NEMP2: variants seen among roughly 807,000 people sequenced by gnomAD.
NEMP2 encodes nuclear envelope integral membrane protein 2, also known as UPF0571 transmembrane protein.
Under a neutral mutation model 54.2 loss-of-function variants are expected in NEMP2, and 53 were observed. That is an observed-to-expected ratio of 0.98 (90% CI 0.78 to 1.23). The LOEUF is 1.23. NEMP2 is among the 50% of genes most tolerant of loss of function. The pLI is 0.00. For missense variants in NEMP2, 455 were observed against 511.3 expected (o/e 0.89, Z 1.06); for synonymous variants, 197 against 190.3 (o/e 1.04, Z -0.29).
chr2:190,647,586 T>G, the NEMP2 span, among the ~76,000 whole-genome samples: 8 of 152,296 alleles, frequency 5.3e-5, no homozygotes, highest in South Asian at 1.7e-3. Context: ...CTCTCTAATC[T>G]TCAAGAACAC....
chr2:190,533,891 C>CA lies in NEMP2; in HGVS notation c.97+667dup. 1.2e-6 allele frequency: 1 copy of CA among 811,868 alleles called. No individual in the cohort carries two copies. The highest frequency in any genetic ancestry group is 1.5e-6 in the Non-Finnish European group (1 of 671,474). 50.3% of individuals were successfully genotyped at this position (811,868 alleles called of 1,614,324 possible). A position where few individuals can be genotyped will look rare whatever the true frequency, so the allele number is the denominator to read the frequency against. On this transcript the variant is annotated intron_variant, in intron 1 of 8. Coordinates refer to ENST00000409150, the MANE Select transcript of NEMP2 (RefSeq NM_001142645.2). This position sits in a 1 kb window ranked among gnomAD's most constrained non-coding sequence, Gnocchi z 4.3. The stretch of plus-strand genomic sequence containing the variant: ...CTTCCCAGATCCTTCCCCAGTGTGC[C>CA]AGCATCTTAAGCCCACTCCGTGGCG...
At chr2:190,463,884 G>A in the NEMP2 span, 22 of 984,236 alleles carry the variant, frequency 2.2e-5, no homozygotes, top group Admixed American at 4.9e-4. This position sits in a 1 kb window ranked among gnomAD's most constrained non-coding sequence, Gnocchi z 4.4. Context: ...ATCTAAGGGC[G>A]CACCATATAC....
At chr2:190,552,898 T>G in the NEMP2 span, among the ~76,000 whole-genome samples, 1 of 152,160 alleles carries the variant, frequency 6.6e-6, no homozygotes, top group Non-Finnish European at 1.5e-5. Context: ...TTTTTTTCAG[T>G]CTACTGCTGG....
chr2:190,566,373 C>CT, the NEMP2 span, among the ~76,000 whole-genome samples: 2 of 152,042 alleles, frequency 1.3e-5, no homozygotes, highest in Admixed American at 1.3e-4. Flanking sequence ...AATCCCAGCA[C>CT]TTTGGGAGGC....
the NEMP2 span, among the ~76,000 whole-genome samples, chr2:190,560,085 G>T: frequency 6.6e-6 from 1 of 152,220 alleles, no homozygotes. This position sits in a 1 kb window ranked among gnomAD's most constrained non-coding sequence, Gnocchi z 5.4. Flanking sequence ...AAGACCACTT[G>T]TAAGTACTGA....
At chr2:190,646,119 G>A in the NEMP2 span, among the ~76,000 whole-genome samples, 1 of 152,250 alleles carries the variant, frequency 6.6e-6, no homozygotes, top group Non-Finnish European at 1.5e-5. Flanking sequence ...TTGCATGGAC[G>A]TTTAACAAAA....
chr2:190,569,448 A>G, the NEMP2 span, among the ~76,000 whole-genome samples: 1 of 152,202 alleles, frequency 6.6e-6, no homozygotes, highest in Non-Finnish European at 1.5e-5. Context: ...GAGGACATTT[A>G]AGAACTTTGA....
rs1440509673 is a variant in NEMP2, at chr2:190,534,659, G to C, written c.-4C>G. 7.6e-7 allele frequency: 1 copy of C among 1,312,304 alleles called. No individual in the cohort carries two copies. Among genetic ancestry groups the C allele is most frequent in the Non-Finnish European group, 9.7e-7 (1 of 1,033,462 alleles). The allele number at this position is 1,312,304 out of a possible 1,614,324, so 81.3% of individuals were successfully genotyped here. On this transcript the variant is annotated 5_prime_UTR_variant, in exon 1 of 9. Transcript: ENST00000409150. ...ACCGCCCTTGGCGCGGCCCCATTTC[G>C]TTAGGGGTCAGCTCCGTGCGACCCG...
intron 5 of NEMP2, 91 bp downstream of exon 5, chr2:190,517,429 C>T (rs1475633411): frequency 5.8e-6 from 5 of 865,196 alleles, no homozygotes; most frequent in Non-Finnish European, 1.8e-6. Context: ...TAAATTAGAA[C>T]CTATCATAAT....
the NEMP2 span, among the ~76,000 whole-genome samples, chr2:190,588,845 A>C: frequency 6.6e-6 from 1 of 152,130 alleles, no homozygotes; most frequent in Non-Finnish European, 1.5e-5. This position sits in a 1 kb window ranked among gnomAD's most constrained non-coding sequence, Gnocchi z 5.0. Context: ...ACTCTGACAA[A>C]ATTCACGGGC....
At position 190,509,019 on chromosome 2, in the gene NEMP2, T is replaced by G; in HGVS notation, c.*170A>C. The G allele has an allele frequency of 9.9e-7, 1 of 1,014,216 alleles. No individual in the cohort carries two copies. Among genetic ancestry groups the G allele is most frequent in the Non-Finnish European group, 1.4e-6 (1 of 717,834 alleles). 62.8% of individuals were successfully genotyped at this position (1,014,216 alleles called of 1,614,324 possible). ...AATAAGTAGCAGAAGTCACCAAGAA[T>G]GCTAAGTTATCTTCAAAATGGGTTG... On this transcript the variant is annotated 3_prime_UTR_variant, in exon 9 of 9. Coordinates refer to ENST00000409150, the MANE Select transcript of NEMP2 (RefSeq NM_001142645.2). This position sits in a 1 kb window ranked among gnomAD's most constrained non-coding sequence, Gnocchi z 6.1.
chr2:190,573,317 A>G, the NEMP2 span, among the ~76,000 whole-genome samples: 1 of 152,194 alleles, frequency 6.6e-6, no homozygotes. Flanking sequence ...CCCATCTTCT[A>G]TGCACGTTAA....
At chr2:190,629,544 G>A in the NEMP2 span, among the ~76,000 whole-genome samples, 1 of 152,086 alleles carries the variant, frequency 6.6e-6, no homozygotes, top group Non-Finnish European at 1.5e-5. Flanking sequence ...TTGGGACAAT[G>A]CCCCCCAAAA....
chr2:190,646,933 T>C, the NEMP2 span: 2 of 152,250 alleles, frequency 1.3e-5, no homozygotes, highest in South Asian at 4.1e-4. Context: ...TTTTTCTAGC[T>C]TTCAGAACCA....
chr2:190,423,738 A>AT, the NEMP2 span, among the ~76,000 whole-genome samples: 1 of 152,234 alleles, frequency 6.6e-6, no homozygotes, highest in Admixed American at 6.5e-5. The surrounding 1 kb of genome is among the most constrained non-coding windows in gnomAD (Gnocchi z 4.3). Flanking sequence ...GTGGTGTACC[A>AT]TTTTAAATCC....
chr2:190,472,709 A>G, the NEMP2 span, among the ~76,000 whole-genome samples: 2 of 152,232 alleles, frequency 1.3e-5, no homozygotes, highest in African/African-American at 4.8e-5. Flanking sequence ...AAGGCAGGCC[A>G]ACATTCAAAT....
At chr2:190,540,564 T>C in the NEMP2 span, among the ~76,000 whole-genome samples, 1 of 152,222 alleles carries the variant, frequency 6.6e-6, no homozygotes, top group African/African-American at 2.4e-5. Context: ...TTGCTGGGAT[T>C]ACAGGCATGA....
At chr2:190,421,457 T>C in the NEMP2 span, among the ~76,000 whole-genome samples, 2 of 150,286 alleles carry the variant, frequency 1.3e-5, no homozygotes, top group East Asian at 2.0e-4. Flanking sequence ...GTGAGAGTTA[T>C]GGATGTATGA....
At chr2:190,630,298 A>G in the NEMP2 span, among the ~76,000 whole-genome samples, 2 of 152,246 alleles carry the variant, frequency 1.3e-5, no homozygotes. This position sits in a 1 kb window ranked among gnomAD's most constrained non-coding sequence, Gnocchi z 5.5. Flanking sequence ...TCTCACTGCA[A>G]CTTCTGCCTC....
Sources: allele counts gnomAD v4.1 joint callset (sites outside exome capture counted in the v4.1 genomes callset), GRCh38; gene constraint gnomAD v4.1.1; non-coding constraint Gnocchi (gnomAD v3.1); transcripts MANE v1.5; gene names NCBI Gene and HGNC (gene_info 2026-07-23, HGNC 2026-07-21).